Variants in NRXN3 observed in about 807,000 individuals in gnomAD.
The protein encoded by NRXN3 is neurexin 3.
A neutral mutation model predicts 137.6 loss-of-function variants in NRXN3; 32 were observed. The observed-to-expected ratio is 0.23, with a 90% CI of 0.18 to 0.31. NRXN3 has a LOEUF of 0.31. Among genes scored for constraint, NRXN3 ranks in the 10% least tolerant of loss-of-function variants. The probability of loss-of-function intolerance (pLI) is 1.00; values close to 1 mark genes in which losing one functional copy is unlikely to be tolerated. For missense variants in NRXN3, 1,574 were observed against 2,062.5 expected, an observed-to-expected ratio of 0.76 and a Z score of 4.59; for synonymous variants, 798 against 784.5, an observed-to-expected ratio of 1.02 and a Z score of -0.29.
At position 78,852,603 on chromosome 14, in the gene NRXN3, C is replaced by T. The variant is rs1013444176; in HGVS notation, c.2275+42259C>T. Among the ~76,000 whole-genome samples the T allele has an allele frequency of 1.4e-4, 22 of 152,144 alleles. 1 individual carries two copies. The highest frequency in any genetic ancestry group is 1.3e-4 in the Admixed American group (2 of 15,262). Reference sequence around the variant, plus strand: ...TGTGTTTTATGTTCATATGTTTTTACATTTGCTTCCCTTTGTTAGAATTTC... The same window carrying T: ...TGTGTTTTATGTTCATATGTTTTTATATTTGCTTCCCTTTGTTAGAATTTC... On this transcript the variant is annotated intron_variant, in intron 10 of 20. Coordinates refer to ENST00000335750, the MANE Select transcript of NRXN3 (RefSeq NM_001330195.2).
intron 4 of NRXN3, among the ~76,000 whole-genome samples, chr14:78,575,991 C>G (rs2096932178): frequency 6.6e-6 from 1 of 152,156 alleles, no homozygotes; most frequent in Non-Finnish European, 1.5e-5. Context: ...TTCACTGTTG[C>G]AAGATTGGGA....
chr14:78,466,245 T>G (rs1313491687), intron 4 of NRXN3, among the ~76,000 whole-genome samples: 2 of 152,154 alleles, frequency 1.3e-5, no homozygotes, highest in Non-Finnish European at 2.9e-5. Context: ...AACAATAGAA[T>G]CATTGCCTTC....
intron 2 of NRXN3, among the ~76,000 whole-genome samples, chr14:78,271,239 A>T (rs760104763): frequency 6.6e-6 from 1 of 152,188 alleles, no homozygotes; most frequent in South Asian, 2.1e-4. Flanking sequence ...TCCCAACTTC[A>T]TCTTTCCGGT....
intron 8 of NRXN3, among the ~76,000 whole-genome samples, chr14:78,726,774 C>G (rs1287564206): frequency 6.6e-6 from 1 of 151,952 alleles, no homozygotes; most frequent in African/African-American, 2.4e-5. Flanking sequence ...CCACCTCGGC[C>G]TCCCAACGTG....
chr14:79,744,575 T>C (rs2098973205), intron 19 of NRXN3, among the ~76,000 whole-genome samples: 1 of 152,210 alleles, frequency 6.6e-6, no homozygotes, highest in South Asian at 2.1e-4. Context: ...TAATTGTTAC[T>C]AACATCAACG....
chr14:78,480,577 A>G (rs1193849222), intron 4 of NRXN3, among the ~76,000 whole-genome samples: 1 of 152,222 alleles, frequency 6.6e-6, no homozygotes, highest in African/African-American at 2.4e-5. Context: ...TGAGTTGCTA[A>G]TAAACAATTT....
intron 4 of NRXN3, among the ~76,000 whole-genome samples, chr14:78,551,401 C>G (rs911808025): frequency 6.6e-6 from 1 of 152,156 alleles, no homozygotes; most frequent in Non-Finnish European, 1.5e-5. Flanking sequence ...TTTCACAACT[C>G]TCATAAAGTT....
chr14:79,172,359 A>T (rs1234049303), intron 15 of NRXN3, among the ~76,000 whole-genome samples: 4 of 152,140 alleles, frequency 2.6e-5, no homozygotes, highest in African/African-American at 7.2e-5. Flanking sequence ...CCTCATGTTT[A>T]TTCTGATCAG....
chr14:79,359,189 A>G (rs1284657980), intron 15 of NRXN3, among the ~76,000 whole-genome samples: 1 of 152,186 alleles, frequency 6.6e-6, no homozygotes, highest in Non-Finnish European at 1.5e-5. Flanking sequence ...AATTCTTTCA[A>G]TGCGTATCTG....
chr14:78,860,287 GC>G (rs2099068962), intron 10 of NRXN3, among the ~76,000 whole-genome samples: 1 of 152,072 alleles, frequency 6.6e-6, no homozygotes, highest in South Asian at 2.1e-4. Flanking sequence ...GGAGAGTGAG[GC>G]TTGATGGGAT....
At chr14:78,659,619 G>A (rs781538863) in intron 6 of NRXN3, among the ~76,000 whole-genome samples, 1 of 151,516 alleles carries the variant, frequency 6.6e-6, no homozygotes, top group Non-Finnish European at 1.5e-5. Context: ...GGTTGAGGCT[G>A]CAGTGAGCCA....
intron 16 of NRXN3, among the ~76,000 whole-genome samples, chr14:79,548,895 A>T (rs1423525695): frequency 6.6e-6 from 1 of 152,116 alleles, no homozygotes; most frequent in Non-Finnish European, 1.5e-5. Flanking sequence ...CACAGAATGG[A>T]CCATTTTGGA....
intron 2 of NRXN3, among the ~76,000 whole-genome samples, chr14:78,264,476 T>G (rs2071356189): frequency 6.6e-6 from 1 of 152,016 alleles, no homozygotes; most frequent in South Asian, 2.1e-4. Context: ...ATTAGGTCAG[T>G]GGCAGAGTTG....
At chr14:78,869,472 T>TA (rs2099096101) in intron 10 of NRXN3, among the ~76,000 whole-genome samples, 1 of 152,170 alleles carries the variant, frequency 6.6e-6, no homozygotes, top group Non-Finnish European at 1.5e-5. Context: ...GATCTAAACT[T>TA]ATGTTTCTCT....
At chr14:78,308,575 A>G (rs992517838) in intron 4 of NRXN3, among the ~76,000 whole-genome samples, 4 of 152,134 alleles carry the variant, frequency 2.6e-5, no homozygotes, top group African/African-American at 9.7e-5. Context: ...GAGTTTGGAA[A>G]AGAACCTTGT....
chr14:78,566,829 A>G (rs1177860086), intron 4 of NRXN3, among the ~76,000 whole-genome samples: 1 of 152,122 alleles, frequency 6.6e-6, no homozygotes, highest in East Asian at 2.0e-4. Flanking sequence ...CCAAGTCCAC[A>G]GTCTGTGGCT....
intron 15 of NRXN3, among the ~76,000 whole-genome samples, chr14:79,125,730 C>G (rs2056301482): frequency 6.6e-6 from 1 of 152,134 alleles, no homozygotes; most frequent in Non-Finnish European, 1.5e-5. Context: ...CCAGTAACAT[C>G]TTGTGCTGAT....
chr14:78,603,755 G>A (rs2097221210), intron 4 of NRXN3, among the ~76,000 whole-genome samples: 1 of 152,100 alleles, frequency 6.6e-6, no homozygotes, highest in African/African-American at 2.4e-5. Flanking sequence ...CTTTGACTTT[G>A]GATGGACAGT....
chr14:78,364,709 T>C (rs4503719), intron 4 of NRXN3, among the ~76,000 whole-genome samples: 150,661 of 152,302 alleles, frequency 0.99, 74,535 homozygotes, highest in East Asian at 1. Flanking sequence ...ATTTATGTGT[T>C]AGGTGATCTA....
Sources: gnomAD v4.1 joint callset for allele counts (sites outside exome capture counted in the v4.1 genomes callset) on GRCh38, gnomAD v4.1.1 for gene constraint, MANE v1.5 for transcripts, NCBI Gene and HGNC (gene_info 2026-07-23, HGNC 2026-07-21) for gene names.